TECRL: variants seen among roughly 807,000 people sequenced by gnomAD.
TECRL encodes trans-2,3-enoyl-CoA reductase like.
In TECRL, 63 loss-of-function variants were observed where a neutral mutation model predicts 52.8. That is an observed-to-expected ratio of 1.19 (90% CI 0.97 to 1.47). The LOEUF is 1.47. Ranked by LOEUF, TECRL falls within the 40% of genes most tolerant of loss-of-function variation. The probability of loss-of-function intolerance (pLI) is 0.00; values close to 1 mark genes in which losing one functional copy is unlikely to be tolerated. For synonymous variants in TECRL, 164 were observed against 141.9 expected (o/e 1.16, Z -1.10); for missense variants, 482 against 429.6 (o/e 1.12, Z -1.08).
rs1552216 is a variant in TECRL, at chr4:64,393,009, G to C, written c.234+16109C>G. 8.7e-3 allele frequency among the ~76,000 whole-genome samples: 1,317 copies of C among 152,008 alleles called. 12 individuals carry two copies. The highest frequency in any genetic ancestry group is 0.029 in the African/African-American group (1,224 of 41,530). The stretch of plus-strand genomic sequence containing the variant: ...TATCCTGCTTAGTACATAACTTGGT[G>C]CTAGGAATGAGGTGGTGCTGTAGTA... On this transcript the variant is annotated intron_variant, in intron 1 of 11. Coordinates refer to ENST00000381210, the MANE Select transcript of TECRL (RefSeq NM_001010874.5).
At chr4:64,322,034 T>G (rs74646698) in intron 4 of TECRL, among the ~76,000 whole-genome samples, 2,990 of 152,232 alleles carry the variant, frequency 0.02, 48 homozygotes, top group Non-Finnish European at 0.03. Flanking sequence ...TAGACAGTTA[T>G]TTTTGGATAA....
chr4:64,292,373 A>G (rs10517884), intron 8 of TECRL, among the ~76,000 whole-genome samples: 93,112 of 151,762 alleles, frequency 0.61, 31,893 homozygotes, highest in Non-Finnish European at 0.76. Context: ...ATAATAAAAC[A>G]TGAGATGCTA....
chr4:64,313,977 CA>C (rs752037972), intron 5 of TECRL, among the ~76,000 whole-genome samples: 7,326 of 61,986 alleles, frequency 0.12, 207 homozygotes, highest in Admixed American at 0.15. Flanking sequence ...ACTAAAAATA[CA>C]AAAAAAAAAA....
At chr4:64,298,532 TAAAAG>T (rs1250669201) in intron 8 of TECRL, among the ~76,000 whole-genome samples, 1 of 151,160 alleles carries the variant, frequency 6.6e-6, no homozygotes, top group Admixed American at 6.6e-5. Context: ...CTTTTTTAAA[TAAAAG>T]AAATGACTTA....
At chr4:64,360,611 A>T (rs1350049544) in intron 2 of TECRL, among the ~76,000 whole-genome samples, 1 of 152,130 alleles carries the variant, frequency 6.6e-6, no homozygotes, top group Non-Finnish European at 1.5e-5. Context: ...CACACTATAA[A>T]CAGATCTTCA....
At chr4:64,374,360 G>C (rs376908248) in intron 2 of TECRL, among the ~76,000 whole-genome samples, 1 of 149,718 alleles carries the variant, frequency 6.7e-6, no homozygotes, top group Non-Finnish European at 1.5e-5. Flanking sequence ...TTTATGGGAA[G>C]GTTTTTATTC....
chr4:64,292,239 G>GT (rs1723432774), intron 8 of TECRL, among the ~76,000 whole-genome samples: 1 of 151,960 alleles, frequency 6.6e-6, no homozygotes, highest in South Asian at 2.1e-4. Flanking sequence ...CTGGATTGAT[G>GT]TTTATCTAAA....
chr4:64,369,730 C>T (rs775556119), intron 2 of TECRL, among the ~76,000 whole-genome samples: 1 of 151,712 alleles, frequency 6.6e-6, no homozygotes, highest in Non-Finnish European at 1.5e-5. Context: ...TATAATTGTA[C>T]CTAAATGATC....
chr4:64,327,653 T>A (rs1718350733), intron 3 of TECRL, among the ~76,000 whole-genome samples: 1 of 152,096 alleles, frequency 6.6e-6, no homozygotes, highest in Admixed American at 6.6e-5. Context: ...CATATTTCTT[T>A]GTTTTGAACA....
At chr4:64,336,096 C>A (rs1201297511) in intron 2 of TECRL, among the ~76,000 whole-genome samples, 2 of 152,024 alleles carry the variant, frequency 1.3e-5, no homozygotes, top group Non-Finnish European at 2.9e-5. Context: ...GGTACCAGCT[C>A]CTCTTTGTAC....
chr4:64,282,232 G>A (rs1486262807), intron 9 of TECRL, among the ~76,000 whole-genome samples: 1 of 151,806 alleles, frequency 6.6e-6, no homozygotes, highest in African/African-American at 2.4e-5. Flanking sequence ...AAACATTTTA[G>A]ATAACAAATT....
chr4:64,396,895 AT>A (rs1012521443), intron 1 of TECRL, among the ~76,000 whole-genome samples: 1 of 152,106 alleles, frequency 6.6e-6, no homozygotes, highest in Non-Finnish European at 1.5e-5. Context: ...TTCCAGCACT[AT>A]TAAGTGAATA....
intron 2 of TECRL, among the ~76,000 whole-genome samples, chr4:64,332,353 T>C (rs1357650143): frequency 6.6e-6 from 1 of 152,198 alleles, no homozygotes; most frequent in East Asian, 1.9e-4. Context: ...TCCATCCCTG[T>C]TTGAATTAAA....
chr4:64,399,386 A>G (rs1379625938), intron 1 of TECRL, among the ~76,000 whole-genome samples: 1 of 152,202 alleles, frequency 6.6e-6, no homozygotes, highest in African/African-American at 2.4e-5. Flanking sequence ...CACACGGCAT[A>G]GAAAAAAAAA....
chr4:64,382,211 ATATATATATATATATATATATATAG>A (rs776652578), intron 1 of TECRL, among the ~76,000 whole-genome samples: 117,517 of 138,658 alleles, frequency 0.85, 51,169 homozygotes, highest in East Asian at 0.97. Flanking sequence ...ATATATATAT[ATATATATATATATATATATATATAG>A]TATTATGTAT....
chr4:64,302,336 AC>A (rs1377732893), intron 7 of TECRL, among the ~76,000 whole-genome samples: 1 of 151,392 alleles, frequency 6.6e-6, no homozygotes, highest in African/African-American at 2.4e-5. Context: ...AAAGTCAAAC[AC>A]TGTTACCACA....
chr4:64,382,249 A>G (rs1421196714), intron 1 of TECRL, among the ~76,000 whole-genome samples: 1 of 143,144 alleles, frequency 7.0e-6, no homozygotes, highest in Non-Finnish European at 1.5e-5. Flanking sequence ...TTATGTATAT[A>G]TAATATATAT....
intron 8 of TECRL, among the ~76,000 whole-genome samples, chr4:64,293,452 C>A (rs1263475123): frequency 6.6e-6 from 1 of 151,884 alleles, no homozygotes; most frequent in Non-Finnish European, 1.5e-5. Flanking sequence ...AAAAAATACA[C>A]CCTGTTAAAT....
At chr4:64,331,509 C>T (rs1718636716) in intron 2 of TECRL, among the ~76,000 whole-genome samples, 1 of 152,028 alleles carries the variant, frequency 6.6e-6, no homozygotes, top group African/African-American at 2.4e-5. Context: ...CACCATCAGA[C>T]AGTGTCCAGG....
Sources: allele counts gnomAD v4.1 joint callset (sites outside exome capture counted in the v4.1 genomes callset), GRCh38; gene constraint gnomAD v4.1.1; transcripts MANE v1.5; gene names NCBI Gene and HGNC (gene_info 2026-07-23, HGNC 2026-07-21).